The following MLLT3 variants were observed in gnomAD, a reference collection of about 807,000 sequenced individuals.
The protein encoded by MLLT3 is MLLT3 super elongation complex subunit.
In MLLT3, 4 loss-of-function variants were observed where a neutral mutation model predicts 53.2. That is an observed-to-expected ratio of 0.08 (90% CI 0.04 to 0.17). The LOEUF is 0.17. MLLT3 is among the 10% of genes least tolerant of loss of function. The probability of loss-of-function intolerance (pLI) is 1.00; values close to 1 mark genes in which losing one functional copy is unlikely to be tolerated. For synonymous variants in MLLT3, 283 were observed against 230.6 expected, an observed-to-expected ratio of 1.23 and a Z score of -2.06; for missense variants, 569 against 684.0, an observed-to-expected ratio of 0.83 and a Z score of 1.87.
At chr9:20,383,403 G>T (rs1821951277) in intron 5 of MLLT3, among the ~76,000 whole-genome samples, 1 of 151,862 alleles carries the variant, frequency 6.6e-6, no homozygotes, top group Non-Finnish European at 1.5e-5. Context: ...ATAATTTGGT[G>T]CTCAGGTTCT....
rs376161051 is a variant in MLLT3, at chr9:20,459,783, A to T, written c.194-2997T>A. ...CGTACTAATATTGTATAGAAGTGTG[A>T]TTTTATAAGAAACTGTTTACCAATT... On this transcript the variant is annotated intron_variant, in intron 2 of 10. Coordinates refer to ENST00000380338, the MANE Select transcript of MLLT3 (RefSeq NM_004529.4). 2.6e-4 allele frequency among the ~76,000 whole-genome samples: 39 copies of T among 152,268 alleles called. No individual in the cohort carries two copies. In the East Asian group the frequency reaches 5.2e-3, roughly 20 times the overall value.
chr9:20,545,856 CAAAAAAA>C (rs5896901), intron 2 of MLLT3, among the ~76,000 whole-genome samples: 100 of 99,840 alleles, frequency 1.0e-3, no homozygotes, highest in Middle Eastern at 4.8e-3. Flanking sequence ...CAGTCTCTAC[CAAAAAAA>C]AAAAAAAAAA....
Position 20,620,822 on chromosome 9 carries a change from C to A in MLLT3, c.25G>T (p.Val9Leu). MASSCAVQ[V>L]KLELGHRAQV... The stretch of plus-strand genomic sequence containing the variant: ...GCGCGGTGCCCCAGCTCCAGCTTCA[C>A]CTGCACGGCACACTGCGGGCAGGGG... The change falls in exon 2 of 11, where the codon GTG becomes TTG. Residue 9 changes from valine to leucine, a missense_variant. Val to Leu is a conservative substitution (Grantham distance 32). Around this residue, in one of 5 missense-constraint regions of MLLT3, gnomAD observed 13 missense variants for 16.2 expected, o/e 0.80. Transcript: ENST00000380338. The surrounding 1 kb of genome is among the most constrained non-coding windows in gnomAD (Gnocchi z 6.1). 1 of 1,614,126 alleles carries A rather than the reference C, an allele frequency of 6.2e-7. No homozygotes were observed. The highest frequency in any genetic ancestry group is 8.5e-7 in the Non-Finnish European group (1 of 1,180,004).
chr9:20,388,619 C>T (rs1822102574), intron 5 of MLLT3, among the ~76,000 whole-genome samples: 1 of 151,756 alleles, frequency 6.6e-6, no homozygotes, highest in African/African-American at 2.4e-5. Flanking sequence ...AAAAGAATCT[C>T]CCATTAAAAA....
intron 5 of MLLT3, among the ~76,000 whole-genome samples, chr9:20,402,436 A>G (rs992732453): frequency 6.6e-6 from 1 of 152,226 alleles, no homozygotes; most frequent in Non-Finnish European, 1.5e-5. Context: ...ATTTGTAGAT[A>G]GACTAAGAAG....
intron 2 of MLLT3, among the ~76,000 whole-genome samples, chr9:20,468,860 C>T (rs1164130214): frequency 6.6e-6 from 1 of 152,144 alleles, no homozygotes; most frequent in African/African-American, 2.4e-5. Flanking sequence ...AGCTAAACAC[C>T]ACATCTGCTG....
intron 4 of MLLT3, among the ~76,000 whole-genome samples, chr9:20,445,934 G>A (rs539136398): frequency 6.6e-6 from 1 of 152,138 alleles, no homozygotes; most frequent in East Asian, 1.9e-4. Context: ...TCATAAGTTA[G>A]TAACACCATG....
intron 5 of MLLT3, among the ~76,000 whole-genome samples, chr9:20,407,085 A>T (rs1041707836): frequency 6.6e-5 from 10 of 152,202 alleles, no homozygotes. Flanking sequence ...CTTGTCTCCT[A>T]ATTCAAAGAA....
In MLLT3 at chr9:20,620,583, C is replaced by T. The variant is rs1241432622; in HGVS notation, c.193+71G>A. 9 of 1,454,146 alleles carry T rather than the reference C, an allele frequency of 6.2e-6. No individual in the cohort carries two copies. In the East Asian group the frequency reaches 7.4e-5, roughly 12 times the overall value. The allele number at this position is 1,454,146 out of a possible 1,614,324, so 90.1% of individuals were successfully genotyped here. The stretch of plus-strand genomic sequence containing the variant: ...GCGCGGGGGGCGGGGAGCGGGACAG[C>T]GGGACCGCCCGGGCCAAGCGATTGT... On this transcript the variant is annotated intron_variant, in intron 2 of 10. Transcript: ENST00000380338. The surrounding 1 kb of genome is among the most constrained non-coding windows in gnomAD (Gnocchi z 6.1).
chr9:20,498,110 C>T (rs1418972673), intron 2 of MLLT3, among the ~76,000 whole-genome samples: 2 of 151,690 alleles, frequency 1.3e-5, no homozygotes, highest in South Asian at 4.2e-4. Flanking sequence ...GTAGTCCCAG[C>T]AACTCAGGAG....
chr9:20,404,323 A>G (rs1822528619), intron 5 of MLLT3, among the ~76,000 whole-genome samples: 1 of 152,192 alleles, frequency 6.6e-6, no homozygotes, highest in African/African-American at 2.4e-5. Flanking sequence ...ACCCCTGCCA[A>G]CATCAGGTCT....
intron 2 of MLLT3, among the ~76,000 whole-genome samples, chr9:20,515,090 G>A (rs1019669602): frequency 1.3e-5 from 2 of 151,906 alleles, no homozygotes; most frequent in African/African-American, 2.4e-5. Context: ...GGGATTACAG[G>A]TGCCCGCCAC....
At chr9:20,582,341 A>C (rs1289951094) in intron 2 of MLLT3, among the ~76,000 whole-genome samples, 1 of 152,200 alleles carries the variant, frequency 6.6e-6, no homozygotes, top group Non-Finnish European at 1.5e-5. Flanking sequence ...AACAGTATCA[A>C]AAAAAGTAGT....
chr9:20,507,919 A>G (rs1232609108), intron 2 of MLLT3, among the ~76,000 whole-genome samples: 1 of 152,142 alleles, frequency 6.6e-6, no homozygotes, highest in African/African-American at 2.4e-5. Context: ...ATCAAAATAT[A>G]ACACATTTGT....
chr9:20,614,457 C>A (rs1820775638), intron 2 of MLLT3, among the ~76,000 whole-genome samples: 1 of 151,092 alleles, frequency 6.6e-6, no homozygotes, highest in African/African-American at 2.4e-5. Context: ...GGCAGGCACG[C>A]ACATAGTAGG....
rs1381879487 is a variant in MLLT3, at chr9:20,449,000, T to C, written c.277-734A>G. Among the ~76,000 whole-genome samples, 2 of 152,202 alleles carry C rather than the reference T, an allele frequency of 1.3e-5. No individual in the cohort carries two copies. Among genetic ancestry groups the C allele is most frequent in the African/African-American group, 4.8e-5 (2 of 41,460 alleles). ...TGGTTTCATTCTTGCTTTGCATTACTACCTTCACTGCCTACCTCCATTTCT... is the reference window on the plus strand; with the variant it reads ...TGGTTTCATTCTTGCTTTGCATTACCACCTTCACTGCCTACCTCCATTTCT... On this transcript the variant is annotated intron_variant, in intron 3 of 10. Transcript: ENST00000380338. The surrounding 1 kb of genome is among the most constrained non-coding windows in gnomAD (Gnocchi z 4.0).
intron 4 of MLLT3, among the ~76,000 whole-genome samples, chr9:20,423,548 C>T (rs1270249406): frequency 6.6e-6 from 1 of 151,956 alleles, no homozygotes; most frequent in Non-Finnish European, 1.5e-5. Context: ...TACAGTGGCT[C>T]ATACCTGTAA....
intron 2 of MLLT3, among the ~76,000 whole-genome samples, chr9:20,553,928 C>T (rs1818990931): frequency 6.6e-6 from 1 of 151,848 alleles, no homozygotes; most frequent in Admixed American, 6.6e-5. Context: ...TTGAGGAAAA[C>T]TTCACATACT....
intron 2 of MLLT3, among the ~76,000 whole-genome samples, chr9:20,604,641 A>G (rs1001281495): frequency 8.5e-5 from 13 of 152,122 alleles, no homozygotes; most frequent in Non-Finnish European, 1.9e-4. Context: ...TGAAACTAAT[A>G]GGGTTAAACA....
Sources: allele counts gnomAD v4.1 joint callset (sites outside exome capture counted in the v4.1 genomes callset), GRCh38; gene constraint gnomAD v4.1.1; regional missense constraint gnomAD v4.1.1; non-coding constraint Gnocchi (gnomAD v3.1); transcripts MANE v1.5; gene names NCBI Gene and HGNC (gene_info 2026-07-23, HGNC 2026-07-21).